PCDHA10: variants seen among roughly 807,000 people sequenced by gnomAD.
The protein encoded by PCDHA10 is protocadherin alpha 10, also known as protocadherin alpha-10.
Under a neutral mutation model 61.2 loss-of-function variants are expected in PCDHA10, and 45 were observed. The ratio of observed to expected loss-of-function variants is 0.74; its 90% CI spans 0.58 to 0.94. PCDHA10 has a LOEUF of 0.94. Ranked by LOEUF, PCDHA10 falls within the 40% of genes least tolerant of loss-of-function variation. The pLI is 0.00. For synonymous variants in PCDHA10, 602 were observed against 548.8 expected, an observed-to-expected ratio of 1.10 and a Z score of -1.35; for missense variants, 1,278 against 1,236.2, an observed-to-expected ratio of 1.03 and a Z score of -0.51.
At chr5:140,918,967 C>T (rs1461992761) in intron 1 of PCDHA10, among the ~76,000 whole-genome samples, 1 of 152,164 alleles carries the variant, frequency 6.6e-6, no homozygotes, top group Non-Finnish European at 1.5e-5. Context: ...AGACAGATAT[C>T]GTTTAGGTTA....
chr5:140,926,723 C>G (rs1224901751), intron 1 of PCDHA10: 1 of 1,034,598 alleles, frequency 9.7e-7, no homozygotes, highest in Non-Finnish European at 1.3e-6. Flanking sequence ...CCGGCAATGC[C>G]GGCGTTCGGG....
intron 1 of PCDHA10, chr5:140,883,799 C>T: frequency 1.2e-6 from 2 of 1,612,460 alleles, no homozygotes; most frequent in Non-Finnish European, 1.7e-6. Flanking sequence ...CGTGTCGGTG[C>T]ACGCGGAGAG....
intron 1 of PCDHA10, among the ~76,000 whole-genome samples, chr5:140,890,662 C>T (rs75284753): frequency 0.011 from 1,622 of 152,252 alleles, 17 homozygotes; most frequent in African/African-American, 0.028. Flanking sequence ...CAAAAGTTAA[C>T]TGAAACCCTT....
At chr5:140,987,314 G>A (rs1554249065) in intron 3 of PCDHA10, among the ~76,000 whole-genome samples, 1 of 152,126 alleles carries the variant, frequency 6.6e-6, no homozygotes, top group Non-Finnish European at 1.5e-5. Flanking sequence ...CCAATGTACT[G>A]TGAAGTTTTA....
intron 1 of PCDHA10, among the ~76,000 whole-genome samples, chr5:140,962,154 C>T (rs1447978704): frequency 3.9e-5 from 6 of 152,210 alleles, no homozygotes; most frequent in Admixed American, 1.3e-4. Context: ...GGATTACAGG[C>T]GTGAGCCACC....
chr5:140,969,019 G>C lies in PCDHA10; in HGVS notation c.2389-9930G>C. 3.1e-6 allele frequency: 5 copies of C among 1,614,164 alleles called. No homozygotes were observed. The South Asian group carries it at 5.5e-5, about 18-fold the overall frequency. ...GAGGCTTCTGTGGAGTAAGGGAAAG[G>C]TCCCCTGCAGAACTGTACAAACAAG... On this transcript the variant is annotated intron_variant, in intron 1 of 3. Transcript: ENST00000307360.
chr5:140,941,214 C>CTTCTTTCTTTCTTT (rs1554214039), intron 1 of PCDHA10, among the ~76,000 whole-genome samples: 1 of 122,414 alleles, frequency 8.2e-6, no homozygotes. Flanking sequence ...TTTCTTTCTT[C>CTTCTTTCTTTCTTT]CTTTCTTTCT....
At chr5:140,881,143 A>G (rs1554171794) in intron 1 of PCDHA10, among the ~76,000 whole-genome samples, 1 of 152,228 alleles carries the variant, frequency 6.6e-6, no homozygotes, top group Non-Finnish European at 1.5e-5. Flanking sequence ...AGTTATAACA[A>G]TAGATAAAAG....
chr5:140,931,247 C>G (rs782447233), intron 1 of PCDHA10, among the ~76,000 whole-genome samples: 4 of 152,032 alleles, frequency 2.6e-5, no homozygotes, highest in African/African-American at 4.8e-5. Flanking sequence ...CTTTTCCTAC[C>G]AAGAAATTTC....
intron 1 of PCDHA10, chr5:140,876,038 G>A (rs2153335869): frequency 6.2e-7 from 1 of 1,613,822 alleles, no homozygotes; most frequent in East Asian, 2.2e-5. Context: ...AAAGATAAAA[G>A]TATATTGCCT....
At chr5:140,989,319 A>G (rs1291622013) in intron 3 of PCDHA10, among the ~76,000 whole-genome samples, 1 of 152,138 alleles carries the variant, frequency 6.6e-6, no homozygotes, top group Admixed American at 6.5e-5. Context: ...GGGTCTCACC[A>G]ACTTTGCCAC....
At position 140,855,966 on chromosome 5, in the gene PCDHA10, T is replaced by C. The variant is rs1554148056; in HGVS notation, c.-83T>C. On this transcript the variant is annotated 5_prime_UTR_variant, in exon 1 of 4. Coordinates refer to ENST00000307360, the MANE Select transcript of PCDHA10 (RefSeq NM_018901.4). Reference sequence around the variant, plus strand: ...CAGCCATTTCGATAAAAAATAGATATAAGAAATAGGACAGAAAATGTCAGA... The same window carrying C: ...CAGCCATTTCGATAAAAAATAGATACAAGAAATAGGACAGAAAATGTCAGA... 7.0e-7 allele frequency: 1 copy of C among 1,422,664 alleles called. No individual in the cohort carries two copies. The highest frequency in any genetic ancestry group is 1.4e-5 in the South Asian group (1 of 72,474). 88.1% of individuals were successfully genotyped at this position (1,422,664 alleles called of 1,614,324 possible).
chr5:140,980,810 GA>G (rs1410107766), intron 2 of PCDHA10, among the ~76,000 whole-genome samples: 5 of 152,024 alleles, frequency 3.3e-5, no homozygotes, highest in Non-Finnish European at 7.4e-5. Context: ...GTAATACATT[GA>G]ACATATTAAA....
intron 3 of PCDHA10, chr5:140,989,128 G>T (rs2097330831): frequency 1.3e-5 from 2 of 152,178 alleles, no homozygotes; most frequent in Non-Finnish European, 2.9e-5. Flanking sequence ...AGAAAAATAA[G>T]ACACTTTATC....
intron 1 of PCDHA10, among the ~76,000 whole-genome samples, chr5:140,906,631 C>A (rs919514401): frequency 6.6e-6 from 1 of 152,238 alleles, no homozygotes; most frequent in East Asian, 1.9e-4. Context: ...TCAGCAAGCA[C>A]CTCAGCAGGT....
chr5:140,861,098 T>C (rs1334214171), intron 1 of PCDHA10: 1 of 152,426 alleles, frequency 6.6e-6, no homozygotes, highest in Non-Finnish European at 1.5e-5. Context: ...ATTGTTCCTG[T>C]ACTTTAAAAA....
At position 140,857,244 on chromosome 5, in the gene PCDHA10, C is replaced by G; in HGVS notation, c.1196C>G (p.Thr399Ser). 6.3e-7 allele frequency: 1 copy of G among 1,598,592 alleles called. No individual in the cohort carries two copies. Among genetic ancestry groups the G allele is most frequent in the Non-Finnish European group, 8.6e-7 (1 of 1,167,956 alleles). ...TPHVPFKLVSTYKNYYSLVLD... is the reference protein window; with the variant it reads ...TPHVPFKLVSSYKNYYSLVLD... Reference sequence around the variant, plus strand: ...CACGTTCCGTTCAAGCTGGTGTCCACCTACAAGAATTACTACTCATTGGTG... The same window carrying G: ...CACGTTCCGTTCAAGCTGGTGTCCAGCTACAAGAATTACTACTCATTGGTG... Residue 399 changes from threonine (T) to serine (S), a missense_variant, in exon 1 of 4, where the codon ACC (threonine) becomes AGC (serine). Physicochemically the swap from Thr to Ser is moderately conservative, Grantham distance 58 (BLOSUM62 1). Coordinates refer to ENST00000307360, the MANE Select transcript of PCDHA10 (RefSeq NM_018901.4).
chr5:140,858,813 G>A, intron 1 of PCDHA10: 1 of 351,180 alleles, frequency 2.8e-6, no homozygotes, highest in South Asian at 3.4e-5. Flanking sequence ...ATTTTGATTT[G>A]ATTGTATTTG....
At chr5:141,003,053 C>T (rs1554258899) in intron 3 of PCDHA10, among the ~76,000 whole-genome samples, 3 of 152,206 alleles carry the variant, frequency 2.0e-5, no homozygotes, top group African/African-American at 7.2e-5. Flanking sequence ...CTTAACAGAA[C>T]AGTTCCAAAT....
Sources: gnomAD v4.1 joint callset for allele counts (sites outside exome capture counted in the v4.1 genomes callset) on GRCh38, gnomAD v4.1.1 for gene constraint, MANE v1.5 for transcripts, NCBI Gene and HGNC (gene_info 2026-07-23, HGNC 2026-07-21) for gene names.